The following MCF2L variants were observed in gnomAD, a reference collection of about 807,000 sequenced individuals.
MCF2L encodes guanine nucleotide exchange factor DBS.
Under a neutral mutation model 153.4 loss-of-function variants are expected in MCF2L, and 97 were observed. The observed-to-expected ratio is 0.63, with a 90% CI of 0.54 to 0.75. MCF2L has a LOEUF of 0.75. Ranked by LOEUF, MCF2L falls within the 30% of genes least tolerant of loss-of-function variation. The probability of loss-of-function intolerance (pLI) is 0.00; values close to 1 mark genes in which losing one functional copy is unlikely to be tolerated. For missense variants in MCF2L, 1,347 were observed against 1,495.2 expected, an observed-to-expected ratio of 0.90 and a Z score of 1.64; for synonymous variants, 659 against 632.2, an observed-to-expected ratio of 1.04 and a Z score of -0.64.
intron 2 of MCF2L, among the ~76,000 whole-genome samples, chr13:112,944,421 G>A (rs746787019): frequency 2.6e-5 from 4 of 152,110 alleles, no homozygotes; most frequent in Admixed American, 6.6e-5. Flanking sequence ...TCTGGCCTGG[G>A]TGAACACCTG....
Position 113,045,847 on chromosome 13 carries a change from C to T in MCF2L, c.369+486C>T, listed in dbSNP as rs960325287. The T allele has an allele frequency of 1.2e-5, 2 of 171,440 alleles. No individual in the cohort carries two copies. Among genetic ancestry groups the T allele is most frequent in the African/African-American group, 4.8e-5 (2 of 42,086 alleles). 10.6% of individuals were successfully genotyped at this position (171,440 alleles called of 1,614,324 possible). On this transcript the variant is annotated intron_variant, in intron 4 of 29. Coordinates refer to ENST00000535094, the MANE Select transcript of MCF2L (RefSeq NM_001112732.3). This position sits in a 1 kb window ranked among gnomAD's most constrained non-coding sequence, Gnocchi z 4.2. ...GCAGGACGGGGGCTGTGTGCAGAGA[C>T]GCTCCAGGCTGGAAGTTGGAAGTGG...
At chr13:113,075,853 G>T in intron 11 of MCF2L, 113 bp from the exon 12 acceptor site, 1 of 805,678 alleles carries the variant, frequency 1.2e-6, no homozygotes, top group Admixed American at 3.0e-5. Flanking sequence ...GGAGCACGAG[G>T]AGTCGGTGGC....
At chr13:113,011,336 T>C (rs1566731433) in intron 1 of MCF2L, among the ~76,000 whole-genome samples, 4 of 152,226 alleles carry the variant, frequency 2.6e-5, no homozygotes, top group Admixed American at 2.6e-4. Context: ...TGAGGGACAA[T>C]ATTTAGAGTT....
chr13:113,044,793 C>A, intron 3 of MCF2L: 1 of 1,612,924 alleles, frequency 6.2e-7, no homozygotes, highest in Non-Finnish European at 8.5e-7. Context: ...CTTCAGAAGT[C>A]TTGGGGATTT....
chr13:112,948,106 G>T (rs1212005443), intron 2 of MCF2L, among the ~76,000 whole-genome samples: 2 of 152,292 alleles, frequency 1.3e-5, no homozygotes, highest in East Asian at 1.9e-4. Context: ...AGGTTGCATG[G>T]GTGTCCTGGG....
chr13:113,079,809 A>G (rs774979254), intron 15 of MCF2L, among the ~76,000 whole-genome samples: 4 of 37,948 alleles, frequency 1.1e-4, no homozygotes, highest in East Asian at 7.0e-4. Context: ...AGGCAGAGGA[A>G]TGTCTGAATG....
chr13:112,966,984 C>T (rs1352916334), upstream of MCF2L, among the ~76,000 whole-genome samples: 1 of 152,178 alleles, frequency 6.6e-6, no homozygotes, highest in African/African-American at 2.4e-5. This position sits in a 1 kb window ranked among gnomAD's most constrained non-coding sequence, Gnocchi z 4.1. Context: ...GCTGGGCAGG[C>T]TGGAGGGCAC....
intron 4 of MCF2L, among the ~76,000 whole-genome samples, chr13:113,056,144 G>C (rs1272072295): frequency 6.6e-6 from 1 of 152,242 alleles, no homozygotes; most frequent in Non-Finnish European, 1.5e-5. Context: ...TTGTCCACCT[G>C]CCCTGGACGG....
chr13:112,966,472 A>G (rs2081894842), upstream of MCF2L, among the ~76,000 whole-genome samples: 1 of 152,224 alleles, frequency 6.6e-6, no homozygotes, highest in Non-Finnish European at 1.5e-5. This position sits in a 1 kb window ranked among gnomAD's most constrained non-coding sequence, Gnocchi z 4.1. Context: ...CTCAAAGTCT[A>G]CTGATATAAG....
intron 1 of MCF2L, among the ~76,000 whole-genome samples, chr13:113,012,961 G>A (rs866617802): frequency 0.023 from 3,331 of 147,916 alleles, 31 homozygotes; most frequent in African/African-American, 0.072. Context: ...ACTGTGATGC[G>A]GACGGTGGAC....
intron 26 of MCF2L, 118 bp from the exon 27 acceptor site, chr13:113,094,396 T>G: frequency 9.4e-7 from 1 of 1,066,348 alleles, no homozygotes; most frequent in Non-Finnish European, 1.3e-6. Flanking sequence ...ACAGGCTCTG[T>G]TGGGGGCCCA....
intron 26 of MCF2L, chr13:113,089,929 A>C: frequency 6.3e-7 from 1 of 1,599,250 alleles, no homozygotes; most frequent in African/African-American, 1.3e-5. Flanking sequence ...GCACCCCTGC[A>C]TCAGCAAGGC....
At chr13:113,039,047 G>C (rs1013330662) in intron 3 of MCF2L, among the ~76,000 whole-genome samples, 1 of 152,144 alleles carries the variant, frequency 6.6e-6, no homozygotes, top group Non-Finnish European at 1.5e-5. Flanking sequence ...TTTTAGTAGA[G>C]ACGGGGTTTC....
rs2081575082 is a variant in MCF2L at position 112,941,467 on chromosome 13, T to C, written c.169+39096T>C. ...AATAACTTACAGTAAAATGTAAATC[T>C]ATTAGTATTGAGCACACTGTGTGTG... On this transcript the variant is annotated intron_variant, in intron 2 of 29. Transcript: ENST00000375608. This position sits in a 1 kb window ranked among gnomAD's most constrained non-coding sequence, Gnocchi z 4.9. Among the ~76,000 whole-genome samples the C allele has an allele frequency of 6.6e-6, 1 of 151,966 alleles. No homozygotes were observed.
intron 23 of MCF2L, among the ~76,000 whole-genome samples, chr13:113,088,099 G>A (rs1463934382): frequency 1.3e-5 from 2 of 152,338 alleles, no homozygotes; most frequent in South Asian, 4.1e-4. Flanking sequence ...GGTGGGGAGG[G>A]TGCCGTGCCC....
intron 1 of MCF2L, among the ~76,000 whole-genome samples, chr13:112,895,847 C>T (rs973672352): frequency 5.9e-5 from 9 of 152,088 alleles, no homozygotes; most frequent in African/African-American, 2.2e-4. Context: ...CCGATTTCAC[C>T]GGGCTGTGCA....
chr13:112,902,906 C>T (rs1409326362), intron 2 of MCF2L, among the ~76,000 whole-genome samples: 1 of 152,220 alleles, frequency 6.6e-6, no homozygotes, highest in Non-Finnish European at 1.5e-5. Flanking sequence ...CCAAGCTCAG[C>T]CTGACCTCCT....
At chr13:112,979,861 C>A in intron 1 of MCF2L, 1 of 1,073,554 alleles carries the variant, frequency 9.3e-7, no homozygotes, top group Non-Finnish European at 1.3e-6. Context: ...TCTCTCACCA[C>A]TTGACCAGCA....
Position 113,097,178 on chromosome 13 carries a change from C to T in MCF2L, c.*319C>T. 1 of 256,894 alleles carries T rather than the reference C, an allele frequency of 3.9e-6. No individual in the cohort carries two copies. Among genetic ancestry groups the T allele is most frequent in the Non-Finnish European group, 7.4e-6 (1 of 135,238 alleles). The allele number at this position is 256,894 out of a possible 1,614,324, so 15.9% of individuals were successfully genotyped here. A position where few individuals can be genotyped will look rare whatever the true frequency, so the allele number is the denominator to read the frequency against. The stretch of plus-strand genomic sequence containing the variant: ...CTCTGGACGGTGCTTTCAGGGGACG[C>T]GCGGACCGTGGTGGAGCTGCTTCCG... On this transcript the variant is annotated 3_prime_UTR_variant, in exon 30 of 30. Transcript: ENST00000535094.
Sources: allele counts gnomAD v4.1 joint callset (sites outside exome capture counted in the v4.1 genomes callset), GRCh38; gene constraint gnomAD v4.1.1; non-coding constraint Gnocchi (gnomAD v3.1); transcripts MANE v1.5; gene names NCBI Gene and HGNC (gene_info 2026-07-23, HGNC 2026-07-21).